The following MCF2L variants were observed in gnomAD, a reference collection of about 807,000 sequenced individuals.
The protein encoded by MCF2L is guanine nucleotide exchange factor DBS.
In MCF2L, 97 loss-of-function variants were observed where a neutral mutation model predicts 153.4. The observed-to-expected ratio is 0.63, with a 90% CI of 0.54 to 0.75. MCF2L has a LOEUF of 0.75. MCF2L is among the 30% of genes least tolerant of loss of function. The probability of loss-of-function intolerance (pLI) is 0.00; values close to 1 mark genes in which losing one functional copy is unlikely to be tolerated. For synonymous variants in MCF2L, 659 were observed against 632.2 expected (o/e 1.04, Z -0.64); for missense variants, 1,347 against 1,495.2 (o/e 0.90, Z 1.64).
intron 2 of MCF2L, among the ~76,000 whole-genome samples, chr13:112,945,715 G>A (rs193021466): frequency 6.2e-4 from 94 of 152,332 alleles, no homozygotes; most frequent in African/African-American, 2.0e-3. Context: ...TTGCATCATG[G>A]CGGTTCTGTC....
chr13:113,043,641 G>A (rs996614017), intron 3 of MCF2L: 1 of 152,284 alleles, frequency 6.6e-6, no homozygotes, highest in African/African-American at 2.4e-5. Context: ...TCACAGTTCA[G>A]AAAAAGTCGT....
At chr13:112,955,061 C>A (rs954931259) in intron 2 of MCF2L, among the ~76,000 whole-genome samples, 1 of 152,174 alleles carries the variant, frequency 6.6e-6, no homozygotes, top group Non-Finnish European at 1.5e-5. Flanking sequence ...GAGTGACGGG[C>A]AACATGGCCG....
chr13:113,091,068 C>CG, intron 26 of MCF2L: 3 of 1,303,792 alleles, frequency 2.3e-6, no homozygotes, highest in Non-Finnish European at 3.0e-6. Flanking sequence ...CGCCTCCCTC[C>CG]GTCCTTCACA....
At chr13:113,002,484 C>T (rs916774335) in intron 1 of MCF2L, among the ~76,000 whole-genome samples, 2 of 152,372 alleles carry the variant, frequency 1.3e-5, no homozygotes, top group South Asian at 2.1e-4. Context: ...GCGTGACAAG[C>T]TGCCCTCTCT....
chr13:112,954,218 AG>A (rs2081729929), intron 2 of MCF2L, among the ~76,000 whole-genome samples: 1 of 152,128 alleles, frequency 6.6e-6, no homozygotes, highest in Non-Finnish European at 1.5e-5. Flanking sequence ...CCTCACACAA[AG>A]CCACATTGGA....
intron 2 of MCF2L, among the ~76,000 whole-genome samples, chr13:112,930,243 A>G (rs539039901): frequency 6.6e-6 from 1 of 152,348 alleles, no homozygotes; most frequent in South Asian, 2.1e-4. Context: ...AAACCTGCAC[A>G]TAAGTGTTTA....
At chr13:112,962,216 C>T (rs1484814274) in intron 2 of MCF2L, among the ~76,000 whole-genome samples, 1 of 86,808 alleles carries the variant, frequency 1.2e-5, no homozygotes, top group Non-Finnish European at 2.9e-5. Context: ...CACTTGCACA[C>T]AGTCACACTT....
At chr13:113,005,501 G>A (rs1318161226) in intron 1 of MCF2L, among the ~76,000 whole-genome samples, 4 of 152,110 alleles carry the variant, frequency 2.6e-5, no homozygotes. Flanking sequence ...TGTGGCCATG[G>A]TTGGTTTGTG....
At position 113,097,202 on chromosome 13, in the gene MCF2L, C is replaced by G. The variant is rs920039993; in HGVS notation, c.*343C>G. On this transcript the variant is annotated 3_prime_UTR_variant, in exon 30 of 30. Coordinates refer to ENST00000535094, the MANE Select transcript of MCF2L (RefSeq NM_001112732.3). ...GCGCGGACCGTGGTGGAGCTGCTTC[C>G]GGAGAAGTGGAGGATCCTCTGGCCA... is the stretch of plus-strand genomic sequence containing the variant. 1 of 231,430 alleles carries G rather than the reference C, an allele frequency of 4.3e-6. No homozygotes were observed. Among genetic ancestry groups the G allele is most frequent in the African/African-American group, 2.3e-5 (1 of 43,834 alleles). The allele number at this position is 231,430 out of a possible 1,614,324, so 14.3% of individuals were successfully genotyped here. A position where few individuals can be genotyped will look rare whatever the true frequency, so the allele number is the denominator to read the frequency against.
chr13:113,010,887 C>G (rs2084050496), intron 1 of MCF2L, among the ~76,000 whole-genome samples: 1 of 152,244 alleles, frequency 6.6e-6, no homozygotes, highest in African/African-American at 2.4e-5. Flanking sequence ...CCTGCATCTC[C>G]TCTGGGGACC....
At chr13:113,090,967 G>C in intron 26 of MCF2L, 1 of 1,220,150 alleles carries the variant, frequency 8.2e-7, no homozygotes, top group Non-Finnish European at 1.0e-6. Flanking sequence ...GGCTCCCTGT[G>C]TTTTGCTCAC....
chr13:113,058,949 G>C (rs2030867623), intron 4 of MCF2L, among the ~76,000 whole-genome samples: 1 of 149,452 alleles, frequency 6.7e-6, no homozygotes, highest in South Asian at 2.1e-4. Context: ...GGCACTGTTT[G>C]GGTGCTGAGT....
chr13:113,013,959 C>T (rs112027521), intron 1 of MCF2L, among the ~76,000 whole-genome samples: 16 of 150,364 alleles, frequency 1.1e-4, no homozygotes, highest in African/African-American at 3.0e-4. Flanking sequence ...CCCCATGCTC[C>T]GAGCTGATGC....
At chr13:113,078,792 CCA>C in intron 15 of MCF2L, 53 bp downstream of exon 15, 2 of 1,465,680 alleles carry the variant, frequency 1.4e-6, no homozygotes, top group Non-Finnish European at 1.9e-6. Flanking sequence ...GCAGCCTGAA[CCA>C]CCAGATGCCG....
Position 112,985,306 on chromosome 13 carries a change from A to G in MCF2L, c.79+15848A>G, listed in dbSNP as rs1037377153. 22 of 436,284 alleles carry G rather than the reference A, an allele frequency of 5.0e-5. No homozygotes were observed. In the Admixed American group the frequency reaches 5.4e-4, roughly 11 times the overall value. The allele number at this position is 436,284 out of a possible 1,614,324, so 27.0% of individuals were successfully genotyped here. A position where few individuals can be genotyped will look rare whatever the true frequency, so the allele number is the denominator to read the frequency against. Reference sequence around the variant, plus strand: ...GATTTTAGGGGACAAAGTTCAGCATAGAAAGGTCCTGTTACAAGGAGAGGG... The same window carrying G: ...GATTTTAGGGGACAAAGTTCAGCATGGAAAGGTCCTGTTACAAGGAGAGGG... On this transcript the variant is annotated intron_variant, in intron 1 of 29. Coordinates refer to ENST00000535094, the MANE Select transcript of MCF2L (RefSeq NM_001112732.3).
intron 1 of MCF2L, among the ~76,000 whole-genome samples, chr13:113,002,400 A>C (rs773254111): frequency 3.3e-5 from 5 of 152,186 alleles, no homozygotes; most frequent in Non-Finnish European, 7.4e-5. Flanking sequence ...TGGCTGGTGG[A>C]GGGGCTGCGG....
intron 1 of MCF2L, among the ~76,000 whole-genome samples, chr13:112,899,462 C>T (rs2081100019): frequency 6.6e-6 from 1 of 152,158 alleles, no homozygotes; most frequent in Non-Finnish European, 1.5e-5. Flanking sequence ...TCCATCCTCT[C>T]GGGGCGGGAA....
intron 2 of MCF2L, among the ~76,000 whole-genome samples, chr13:113,018,666 T>TGG (rs2141232178): frequency 6.6e-6 from 1 of 152,258 alleles, no homozygotes; most frequent in South Asian, 2.1e-4. Flanking sequence ...TTGCTGACCG[T>TGG]CAGCAAGAGC....
rs562650561 is a variant in MCF2L, at chr13:113,030,680, T to C, written c.278+5922T>C. ...TCGTTCGTCAGAGGGCAGGTTCGGATCTCTGAAAACCCTATAGCCCTTCCT... is the reference window on the plus strand; with the variant it reads ...TCGTTCGTCAGAGGGCAGGTTCGGACCTCTGAAAACCCTATAGCCCTTCCT... On this transcript the variant is annotated intron_variant, in intron 3 of 29. Coordinates refer to ENST00000535094, the MANE Select transcript of MCF2L (RefSeq NM_001112732.3). 2.6e-5 allele frequency among the ~76,000 whole-genome samples: 4 copies of C among 152,268 alleles called. 1 individual carries two copies. Among genetic ancestry groups the C allele is most frequent in the African/African-American group, 9.6e-5 (4 of 41,554 alleles).
Sources: allele counts gnomAD v4.1 joint callset (sites outside exome capture counted in the v4.1 genomes callset), GRCh38; gene constraint gnomAD v4.1.1; transcripts MANE v1.5; gene names NCBI Gene and HGNC (gene_info 2026-07-23, HGNC 2026-07-21).